COL28A1: variants seen among roughly 807,000 people sequenced by gnomAD.
COL28A1 encodes collagen type XXVIII alpha 1 chain.
In COL28A1, 161 loss-of-function variants were observed where a neutral mutation model predicts 150.2. The ratio of observed to expected loss-of-function variants is 1.07; its 90% CI spans 0.94 to 1.22. The LOEUF is 1.22. Ranked by LOEUF, COL28A1 falls within the 50% of genes most tolerant of loss-of-function variation. The pLI is 0.00. For missense variants in COL28A1, 1,617 were observed against 1,388.3 expected (o/e 1.16, Z -2.62); for synonymous variants, 552 against 469.7 (o/e 1.18, Z -2.26).
chr7:7,507,493 C>G (rs1332235166), intron 9 of COL28A1, among the ~76,000 whole-genome samples: 1 of 152,084 alleles, frequency 6.6e-6, no homozygotes, highest in Non-Finnish European at 1.5e-5. Flanking sequence ...TATTTCCTTC[C>G]GACAGGGTAA....
chr7:7,455,543 AGTTT>A (rs565455055), intron 16 of COL28A1, among the ~76,000 whole-genome samples: 331 of 152,286 alleles, frequency 2.2e-3, no homozygotes, highest in African/African-American at 7.4e-3. Flanking sequence ...CTATTCCAGA[AGTTT>A]GCCCCTTAAA....
At position 7,532,841 on chromosome 7, in the gene COL28A1, A is replaced by G; in HGVS notation, c.35T>C (p.Leu12Pro). Reference sequence around the variant, plus strand: ...TGTTTGACTCGTAAACGCTGACAAAAGCAGGAGATAGAAGACAAAATATCT... The same window carrying G: ...TGTTTGACTCGTAAACGCTGACAAAGGCAGGAGATAGAAGACAAAATATCT... ...WNRYFVFYLL[L>P]LSAFTSQTVS... The change falls in exon 2 of 35, where the codon CTT becomes CCT. Residue 12 changes from leucine to proline, a missense_variant. By Grantham distance (98) the Leu-to-Pro change is moderately conservative. Coordinates refer to ENST00000399429, the MANE Select transcript of COL28A1 (RefSeq NM_001037763.3). 1.9e-6 allele frequency: 3 copies of G among 1,612,060 alleles called. No individual in the cohort carries two copies. The highest frequency in any genetic ancestry group is 2.5e-6 in the Non-Finnish European group (3 of 1,179,192).
intron 15 of COL28A1, among the ~76,000 whole-genome samples, chr7:7,471,070 C>T (rs1373705186): frequency 7.3e-6 from 1 of 137,482 alleles, no homozygotes; most frequent in Admixed American, 7.4e-5. Flanking sequence ...ATGTAACTAA[C>T]CTGCACAATG....
rs531357615 is a variant in COL28A1 at position 7,503,113 on chromosome 7, GA to G, written c.1026+2900del. On this transcript the variant is annotated intron_variant, in intron 11 of 34. Coordinates refer to ENST00000399429, the MANE Select transcript of COL28A1 (RefSeq NM_001037763.3). ...GATAGAACTTCCACACTGTCAAAAA[GA>G]AATGCATTTATTTCAGGCCAAATAT... is the stretch of plus-strand genomic sequence containing the variant. Among the ~76,000 whole-genome samples, 20 of 152,254 alleles carry G rather than the reference GA, an allele frequency of 1.3e-4. No individual in the cohort carries two copies. The East Asian group carries it at 3.3e-3, about 25-fold the overall frequency.
chr7:7,506,812 C>T (rs1218551814), intron 10 of COL28A1, among the ~76,000 whole-genome samples: 1 of 152,182 alleles, frequency 6.6e-6, no homozygotes, highest in South Asian at 2.1e-4. Context: ...CTTTTAACCA[C>T]TTGACTTTCC....
chr7:7,535,257 G>C (rs1782581718), intron 1 of COL28A1, among the ~76,000 whole-genome samples: 1 of 152,042 alleles, frequency 6.6e-6, no homozygotes, highest in Admixed American at 6.6e-5. Flanking sequence ...GTAAATATCA[G>C]GATCAGTAAA....
At chr7:7,388,188 G>A (rs1782310004) in intron 27 of COL28A1, among the ~76,000 whole-genome samples, 1 of 151,600 alleles carries the variant, frequency 6.6e-6, no homozygotes, top group Admixed American at 6.6e-5. Flanking sequence ...ACAGGCCTTG[G>A]TGTGTGATGT....
intron 16 of COL28A1, among the ~76,000 whole-genome samples, chr7:7,455,473 T>C (rs1358825860): frequency 1.3e-5 from 2 of 152,238 alleles, no homozygotes; most frequent in Non-Finnish European, 2.9e-5. Context: ...TACAGATCTT[T>C]CTTTTCTTCT....
chr7:7,426,687 T>C (rs2128311393), intron 25 of COL28A1, among the ~76,000 whole-genome samples: 1 of 152,324 alleles, frequency 6.6e-6, no homozygotes, highest in East Asian at 1.9e-4. Flanking sequence ...AATCAATTTA[T>C]CTCCTAAAAC....
intron 27 of COL28A1, among the ~76,000 whole-genome samples, chr7:7,416,784 GCTCTTGACTAAGCTTACTCTCTCTACACA>G (rs1784102498): frequency 6.6e-6 from 1 of 152,118 alleles, no homozygotes; most frequent in African/African-American, 2.4e-5. Context: ...TATGAGTTCT[GCTCTTGACTAAGCTTACTCTCTCTACACA>G]GAAGTAGGCA....
intron 6 of COL28A1, 115 bp from the exon 7 acceptor site, chr7:7,517,952 T>TC: frequency 7.3e-7 from 1 of 1,367,208 alleles, no homozygotes; most frequent in Non-Finnish European, 1.0e-6. Context: ...ACATCTTTAG[T>TC]CTTTCCCGTT....
intron 18 of COL28A1, among the ~76,000 whole-genome samples, chr7:7,449,160 C>A (rs1786491723): frequency 6.6e-6 from 1 of 151,874 alleles, no homozygotes. Flanking sequence ...AAGCAAAAAT[C>A]CTGAATAAAA....
At position 7,521,301 on chromosome 7, in the gene COL28A1, T is replaced by A. The variant is rs372176494; in HGVS notation, c.759+604A>T. ...GTACAGACATGGCACCTACCAGTTA[T>A]TAGGCCAGAATATAAAGAAAGCACT... On this transcript the variant is annotated intron_variant, in intron 5 of 34. Coordinates refer to ENST00000399429, the MANE Select transcript of COL28A1 (RefSeq NM_001037763.3). 1.5e-4 allele frequency among the ~76,000 whole-genome samples: 23 copies of A among 152,352 alleles called. No homozygotes were observed. The East Asian group carries it at 4.2e-3, about 28-fold the overall frequency.
At chr7:7,433,229 T>C (rs1454737078) in intron 23 of COL28A1, among the ~76,000 whole-genome samples, 4 of 152,166 alleles carry the variant, frequency 2.6e-5, no homozygotes, top group Non-Finnish European at 4.4e-5. Context: ...TATTGTCCTT[T>C]AGACAACAGA....
chr7:7,347,906 C>T, the COL28A1 span, among the ~76,000 whole-genome samples: 1 of 151,944 alleles, frequency 6.6e-6, no homozygotes, highest in East Asian at 1.9e-4. Context: ...GGAAGTTGAG[C>T]CTCCTCATGT....
chr7:7,490,600 C>G lies in COL28A1; in HGVS notation c.1073G>C (p.Gly358Ala). Reference protein sequence around the residue: ...PGPYGSPGAPGIGQQGIKGER... With the variant: ...PGPYGSPGAPAIGQQGIKGER... Reference sequence around the variant, plus strand: ...TACCTTAATACCTTGCTGTCCAATTCCAGGAGCTCCTGGAGAACCATAAGG... The same window carrying G: ...TACCTTAATACCTTGCTGTCCAATTGCAGGAGCTCCTGGAGAACCATAAGG... The change falls in exon 12 of 35, where the codon GGA (glycine) becomes GCA (alanine). Residue 358 changes from glycine (G) to alanine (A), a missense_variant. Gly to Ala is a moderately conservative substitution (Grantham distance 60). Coordinates refer to ENST00000399429, the MANE Select transcript of COL28A1 (RefSeq NM_001037763.3). The G allele has an allele frequency of 7.2e-7, 1 of 1,386,708 alleles. No homozygotes were observed. Among genetic ancestry groups the G allele is most frequent in the African/African-American group, 1.4e-5 (1 of 70,700 alleles). The allele number at this position is 1,386,708 out of a possible 1,614,324, so 85.9% of individuals were successfully genotyped here.
At chr7:7,488,873 A>T (rs775619388) in intron 13 of COL28A1, among the ~76,000 whole-genome samples, 1 of 152,220 alleles carries the variant, frequency 6.6e-6, no homozygotes, top group Non-Finnish European at 1.5e-5. Context: ...TCTTGTAAGA[A>T]GTTACAGTAA....
Position 7,420,243 on chromosome 7 carries a change from A to G in COL28A1, c.1999-290T>C, listed in dbSNP as rs569545146. ...ACGAGTATTGTGAATAGAGGATGGAAGAAGAGACAAGAATAAAAAACAACC... is the reference window on the plus strand; with the variant it reads ...ACGAGTATTGTGAATAGAGGATGGAGGAAGAGACAAGAATAAAAAACAACC... On this transcript the variant is annotated intron_variant, in intron 25 of 34. Coordinates refer to ENST00000399429, the MANE Select transcript of COL28A1 (RefSeq NM_001037763.3). 5.0e-4 allele frequency: 105 copies of G among 208,716 alleles called. No homozygotes were observed. The South Asian group carries it at 0.016, about 32-fold the overall frequency. The allele number at this position is 208,716 out of a possible 1,614,324, so 12.9% of individuals were successfully genotyped here.
intron 25 of COL28A1, among the ~76,000 whole-genome samples, chr7:7,430,311 G>C (rs1784891456): frequency 6.6e-6 from 1 of 152,032 alleles, no homozygotes; most frequent in Admixed American, 6.6e-5. Flanking sequence ...ATTTTTAGTA[G>C]AGACGGGGTT....
Sources: allele counts gnomAD v4.1 joint callset (sites outside exome capture counted in the v4.1 genomes callset), GRCh38; gene constraint gnomAD v4.1.1; transcripts MANE v1.5; gene names NCBI Gene and HGNC (gene_info 2026-07-23, HGNC 2026-07-21).